MIIP: variants seen among roughly 807,000 people sequenced by gnomAD.
MIIP encodes migration and invasion inhibitory protein.
A neutral mutation model predicts 44.8 loss-of-function variants in MIIP; 44 were observed. That is an observed-to-expected ratio of 0.98 (90% CI 0.77 to 1.26). The LOEUF (loss-of-function observed/expected upper bound fraction) is 1.26. MIIP is among the 50% of genes most tolerant of loss of function. MIIP has a pLI of 0.00. For missense variants in MIIP, 496 were observed against 511.7 expected (o/e 0.97, Z 0.30); for synonymous variants, 225 against 218.3 (o/e 1.03, Z -0.27).
In MIIP at chr1:12,031,843, G is replaced by C; in HGVS notation, c.*35G>C. ...CCTGGGGGAGAACAGCATTCCCGCC[G>C]CCTCCAGCCTCTCCCCTCTGGCAGG... On this transcript the variant is annotated 3_prime_UTR_variant, in exon 10 of 10. Transcript: ENST00000235332. 6.3e-7 allele frequency: 1 copy of C among 1,587,132 alleles called. No homozygotes were observed. Among genetic ancestry groups the C allele is most frequent in the African/African-American group, 1.3e-5 (1 of 74,560 alleles).
In MIIP at chr1:12,022,213, A is replaced by G; in HGVS notation, c.233A>G (p.Asp78Gly). 6.2e-7 allele frequency: 1 copy of G among 1,612,986 alleles called. No individual in the cohort carries two copies. The highest frequency in any genetic ancestry group is 8.5e-7 in the Non-Finnish European group (1 of 1,179,524). ...CGGTCCTCCGTGTGGGGCCCACCAG[A>G]TGCCTGTCGAGGGGACCTCCGTGAT... is the stretch of plus-strand genomic sequence containing the variant. ...RGRSSVWGPP[D>G]ACRGDLRDVA... Residue 78 changes from aspartate (D) to glycine (G), a missense_variant, in exon 3 of 10, where the codon GAT becomes GGT. Coordinates refer to ENST00000235332, the MANE Select transcript of MIIP (RefSeq NM_021933.4).
rs766144797 is a variant in MIIP at position 12,030,030 on chromosome 1, T to C, written c.848T>C (p.Val283Ala). The change falls in exon 8 of 10, where the codon GTG (valine) becomes GCG (alanine). Residue 283 changes from valine (V) to alanine (A), a missense_variant and splice_region_variant. Physicochemically the swap from Val to Ala is moderately conservative, Grantham distance 64. Coordinates refer to ENST00000235332, the MANE Select transcript of MIIP (RefSeq NM_021933.4). ...GTLAQPAHVRVSIPLSILEPP... is the reference protein window; with the variant it reads ...GTLAQPAHVRASIPLSILEPP... ...TCCCCCACTGCCCCCCTGCGCAGGG[T>C]GAGCATCCCGCTGTCGATCCTGGAG... 8.7e-6 allele frequency: 14 copies of C among 1,612,968 alleles called. No individual in the cohort carries two copies. The highest frequency in any genetic ancestry group is 1.2e-5 in the Non-Finnish European group (14 of 1,179,544).
At chr1:12,021,895 G>T in intron 2 of MIIP, 55 bp downstream of exon 2, 1 of 1,438,912 alleles carries the variant, frequency 6.9e-7, no homozygotes, top group South Asian at 1.3e-5. Flanking sequence ...CTTCAGGCCA[G>T]CATCCAGGCT....
At chr1:12,022,495 A>C in intron 3 of MIIP, 53 bp downstream of exon 3, 1 of 1,384,024 alleles carries the variant, frequency 7.2e-7, no homozygotes, top group Non-Finnish European at 9.7e-7. Context: ...CTTGGGCCTC[A>C]GTTTCCCTAT....
At chr1:12,031,580 ACTC>A in intron 9 of MIIP, 139 bp from the exon 10 acceptor site, 1 of 1,601,564 alleles carries the variant, frequency 6.2e-7, no homozygotes, top group Non-Finnish European at 8.5e-7. Flanking sequence ...ATCCCTCGGA[ACTC>A]CTCTGCTCCC....
chr1:12,024,484 G>GC (rs1640058691), intron 4 of MIIP, among the ~76,000 whole-genome samples: 1 of 152,126 alleles, frequency 6.6e-6, no homozygotes, highest in Non-Finnish European at 1.5e-5. Context: ...CGTGATCTCC[G>GC]CTCACTGCAA....
At chr1:12,027,722 A>C (rs1017652611) in intron 4 of MIIP, among the ~76,000 whole-genome samples, 11 of 152,162 alleles carry the variant, frequency 7.2e-5, no homozygotes, top group African/African-American at 2.7e-4. Context: ...AGACTTGTAT[A>C]TCCCACTGTC....
intron 9 of MIIP, 128 bp downstream of exon 9, chr1:12,031,531 C>A: frequency 6.4e-7 from 1 of 1,563,236 alleles, no homozygotes; most frequent in Non-Finnish European, 8.7e-7. Flanking sequence ...CTGGGAGTGT[C>A]TCTCTGCAGG....
At chr1:12,031,162 G>T in intron 8 of MIIP, 104 bp from the exon 9 acceptor site, 1 of 1,387,464 alleles carries the variant, frequency 7.2e-7, no homozygotes, top group Non-Finnish European at 9.7e-7. Context: ...CTTGGTGGGG[G>T]CCTCCTTCCT....
Position 12,025,996 on chromosome 1 carries a change from G to T in MIIP, c.548-3037G>T, listed in dbSNP as rs113995940. ...TACACACATAATGGGGTGGCCACAG[G>T]CATGGCAGGACCAGAAAGGAGGCCA... is the stretch of plus-strand genomic sequence containing the variant. On this transcript the variant is annotated intron_variant, in intron 4 of 9. Coordinates refer to ENST00000235332, the MANE Select transcript of MIIP (RefSeq NM_021933.4). Among the ~76,000 whole-genome samples the T allele has an allele frequency of 7.3e-3, 1,116 of 151,918 alleles. 15 individuals carry two copies. Among genetic ancestry groups the T allele is most frequent in the African/African-American group, 0.025 (1,046 of 41,466 alleles).
At position 12,022,282 on chromosome 1, in the gene MIIP, A is replaced by C; in HGVS notation, c.302A>C (p.Gln101Pro). The change falls in exon 3 of 10, where the codon CAG becomes CCG. Residue 101 changes from glutamine (Q) to proline (P), a missense_variant. Coordinates refer to ENST00000235332, the MANE Select transcript of MIIP (RefSeq NM_021933.4). The stretch of plus-strand genomic sequence containing the variant: ...GCCTCTCTCCCACCTGCCAAATGCC[A>C]GCACCAGGAGTCCCTGGGCCGACCG... ...GVASLPPAKC[Q>P]HQESLGRPRP... 6.2e-7 allele frequency: 1 copy of C among 1,613,854 alleles called. No individual in the cohort carries two copies. The highest frequency in any genetic ancestry group is 8.5e-7 in the Non-Finnish European group (1 of 1,179,974).
At chr1:12,027,487 C>A (rs1313596798) in intron 4 of MIIP, among the ~76,000 whole-genome samples, 1 of 152,170 alleles carries the variant, frequency 6.6e-6, no homozygotes, top group African/African-American at 2.4e-5. Flanking sequence ...CCTGGACTTC[C>A]AGCCACTTGC....
In MIIP at chr1:12,031,716, A is replaced by C. The variant is rs1435376035; in HGVS notation, c.1081-6A>C. On this transcript the variant is annotated splice_polypyrimidine_tract_variant and splice_region_variant and intron_variant, in intron 9 of 9. Transcript: ENST00000235332. The stretch of plus-strand genomic sequence containing the variant: ...CCCCCCTGAGACTTCCCTATTCCCC[A>C]TCCAGGCCTCACCAATGCAGATGCT... 6.2e-7 allele frequency: 1 copy of C among 1,613,912 alleles called. No individual in the cohort carries two copies. Among genetic ancestry groups the C allele is most frequent in the Admixed American group, 1.7e-5 (1 of 60,000 alleles).
Position 12,022,411 on chromosome 1 carries a change from C to A in MIIP, c.431C>A (p.Ser144Tyr). 6.3e-7 allele frequency: 1 copy of A among 1,595,410 alleles called. No homozygotes were observed. The highest frequency in any genetic ancestry group is 8.5e-7 in the Non-Finnish European group (1 of 1,171,422). ...PGPQEAQTPR[S>Y]ILAQQSKLSK... ...CCCCAGGAGGCACAGACCCCGAGGT[C>A]CATCCTGGCTCAACAGAGCAAGCTG... is the stretch of plus-strand genomic sequence containing the variant. Residue 144 changes from serine to tyrosine, a missense_variant, in exon 3 of 10, where the codon TCC becomes TAC. By Grantham distance (144) the Ser-to-Tyr change is moderately radical. Coordinates refer to ENST00000235332, the MANE Select transcript of MIIP (RefSeq NM_021933.4).
intron 4 of MIIP, chr1:12,024,257 C>T (rs1273670360): frequency 6.6e-6 from 1 of 152,234 alleles, no homozygotes; most frequent in South Asian, 2.1e-4. Context: ...TGCACAACTT[C>T]ATACCAATGC....
At chr1:12,031,242 C>T (rs777760165) in intron 8 of MIIP, 24 bp from the exon 9 acceptor site, 3 of 1,608,330 alleles carry the variant, frequency 1.9e-6, no homozygotes, top group Non-Finnish European at 1.7e-6. Flanking sequence ...AGGTCAGGCA[C>T]TTTTAACTCC....
In MIIP at chr1:12,031,491, G is replaced by C. The variant is rs561223993; in HGVS notation, c.1080+88G>C. 118 of 1,565,502 alleles carry C rather than the reference G, an allele frequency of 7.5e-5. No individual in the cohort carries two copies. The African/African-American group carries it at 1.4e-3, about 18-fold the overall frequency. On this transcript the variant is annotated intron_variant, in intron 9 of 9. Coordinates refer to ENST00000235332, the MANE Select transcript of MIIP (RefSeq NM_021933.4). ...GCCTGGGGACTGCAGAGCCTCCTGG[G>C]GGGTAGGATTGAGGTGGGGAGGATG... is the stretch of plus-strand genomic sequence containing the variant.
intron 9 of MIIP, 99 bp from the exon 10 acceptor site, chr1:12,031,623 C>T (rs773453561): frequency 4.8e-5 from 77 of 1,612,684 alleles, no homozygotes; most frequent in Non-Finnish European, 6.4e-5. Flanking sequence ...CCCAGGAAGG[C>T]CACCCTGACT....
In MIIP at chr1:12,031,377, TC is replaced by T; in HGVS notation, c.1056del (p.Gly353AlafsTer39). Reference protein sequence around the residue: ...VSAEAQHQKLSGTSSPFHPAS... With the variant: ...VSAEAQHQKLXGTSSPFHPAS... ...CGCTGAGGCCCAGCACCAGAAGCTG[TC>T]CGGCACCAGCAGCCCTTTTCACCCG... On this transcript the variant is annotated frameshift_variant, in exon 9 of 10. Coordinates refer to ENST00000235332, the MANE Select transcript of MIIP (RefSeq NM_021933.4). LOFTEE classifies it low-confidence loss of function (END_TRUNC). The T allele has an allele frequency of 2.5e-6, 4 of 1,613,822 alleles. No individual in the cohort carries two copies. The South Asian group carries it at 4.4e-5, about 18-fold the overall frequency.
Sources: gnomAD v4.1 joint callset for allele counts (sites outside exome capture counted in the v4.1 genomes callset) on GRCh38, gnomAD v4.1.1 for gene constraint, MANE v1.5 for transcripts, NCBI Gene and HGNC (gene_info 2026-07-23, HGNC 2026-07-21) for gene names.